CASD1: variants seen among roughly 807,000 people sequenced by gnomAD.
The protein encoded by CASD1 is N-acetylneuraminate (7)9-O-acetyltransferase.
A neutral mutation model predicts 100.0 loss-of-function variants in CASD1; 41 were observed. That is an observed-to-expected ratio of 0.41 (90% CI 0.32 to 0.53). The LOEUF (loss-of-function observed/expected upper bound fraction) is 0.53. Among genes scored for constraint, CASD1 ranks in the 20% least tolerant of loss-of-function variants. The pLI is 0.25. For missense variants in CASD1, 774 were observed against 948.7 expected (o/e 0.82, Z 2.42); for synonymous variants, 321 against 315.6 (o/e 1.02, Z -0.18).
Position 94,553,066 on chromosome 7 carries a change from T to C in CASD1, c.2034+639T>C, listed in dbSNP as rs989932660. On this transcript the variant is annotated intron_variant, in intron 16 of 17. Coordinates refer to ENST00000297273, the MANE Select transcript of CASD1 (RefSeq NM_022900.5). ...ATTCTTTTTAGCGTTGTACAACTTA[T>C]GCAATACTTTAATTATAATAACTCA... is the stretch of plus-strand genomic sequence containing the variant. 4 of 359,150 alleles carry C rather than the reference T, an allele frequency of 1.1e-5. 1 individual carries two copies. Among genetic ancestry groups the C allele is most frequent in the Non-Finnish European group, 2.2e-5 (4 of 185,546 alleles). 22.2% of individuals were successfully genotyped at this position (359,150 alleles called of 1,614,324 possible).
the CASD1 span, among the ~76,000 whole-genome samples, chr7:94,610,258 C>A: frequency 8.0e-4 from 122 of 152,258 alleles, 1 homozygote; most frequent in Admixed American, 6.9e-3. Context: ...TGAAACTACT[C>A]TGTATGATAC....
downstream of CASD1, among the ~76,000 whole-genome samples, chr7:94,559,586 C>G (rs909462203): frequency 1.3e-5 from 2 of 152,068 alleles, no homozygotes; most frequent in African/African-American, 4.8e-5. Flanking sequence ...AGTGCAATGG[C>G]GCAATCTCGG....
intron 3 of CASD1, among the ~76,000 whole-genome samples, chr7:94,524,508 G>A (rs562518121): frequency 1.3e-5 from 2 of 152,154 alleles, no homozygotes; most frequent in African/African-American, 4.8e-5. Flanking sequence ...AGATGTATTA[G>A]GCTGTGTACC....
At chr7:94,546,550 C>T (rs1206400179) in intron 12 of CASD1, among the ~76,000 whole-genome samples, 1 of 151,842 alleles carries the variant, frequency 6.6e-6, no homozygotes, top group Admixed American at 6.6e-5. Flanking sequence ...TTTGGACAGC[C>T]TCTGTAGTTT....
intron 13 of CASD1, among the ~76,000 whole-genome samples, chr7:94,548,223 C>A (rs1434875577): frequency 2.6e-5 from 4 of 151,678 alleles, no homozygotes; most frequent in Non-Finnish European, 4.4e-5. Context: ...TCAGTGTTGA[C>A]CCCTGGACAA....
chr7:94,612,310 A>G, the CASD1 span, among the ~76,000 whole-genome samples: 2 of 152,214 alleles, frequency 1.3e-5, no homozygotes, highest in African/African-American at 4.8e-5. Flanking sequence ...AACCTGAGGT[A>G]TAAAAACAAA....
At chr7:94,569,662 T>TA in the CASD1 span, among the ~76,000 whole-genome samples, 1 of 151,990 alleles carries the variant, frequency 6.6e-6, no homozygotes, top group Non-Finnish European at 1.5e-5. Context: ...CAGACTGGTC[T>TA]AAAAATCCGG....
chr7:94,628,037 T>C, the CASD1 span: 1 of 575,476 alleles, frequency 1.7e-6, no homozygotes, highest in Admixed American at 2.9e-5. Context: ...CAGAGAAGAA[T>C]GGCACATTTC....
At chr7:94,580,953 C>T in the CASD1 span, among the ~76,000 whole-genome samples, 2 of 152,164 alleles carry the variant, frequency 1.3e-5, no homozygotes, top group African/African-American at 4.8e-5. Context: ...TTCAATTAAC[C>T]ATAGTCCATG....
Position 94,524,556 on chromosome 7 carries a change from GT to G in CASD1, c.352-2604del, listed in dbSNP as rs541573134. On this transcript the variant is annotated intron_variant, in intron 3 of 17. Coordinates refer to ENST00000297273, the MANE Select transcript of CASD1 (RefSeq NM_022900.5). Reference sequence around the variant, plus strand: ...ATAACTGCTAGTGAGAGTGTAAATTGTTACAAATACTCCAGAAAATAATTTG... The same window carrying G: ...ATAACTGCTAGTGAGAGTGTAAATTGTACAAATACTCCAGAAAATAATTTG... Among the ~76,000 whole-genome samples the G allele has an allele frequency of 4.8e-4, 73 of 152,172 alleles. No individual in the cohort carries two copies. In the South Asian group the frequency reaches 9.7e-3, roughly 20 times the overall value.
At chr7:94,561,733 T>C (rs534368536), downstream of CASD1, among the ~76,000 whole-genome samples, 25 of 152,262 alleles carry the variant, frequency 1.6e-4, no homozygotes, top group African/African-American at 5.8e-4. Context: ...AGACAGTTTT[T>C]CTTAGAACCC....
chr7:94,614,805 A>C, the CASD1 span, among the ~76,000 whole-genome samples: 1 of 152,184 alleles, frequency 6.6e-6, no homozygotes, highest in Non-Finnish European at 1.5e-5. Context: ...TTTTAAAATC[A>C]CTGTACTCCA....
At chr7:94,559,932 A>G (rs975359671), downstream of CASD1, among the ~76,000 whole-genome samples, 1 of 152,244 alleles carries the variant, frequency 6.6e-6, no homozygotes, top group Non-Finnish European at 1.5e-5. Context: ...TCAATATTAT[A>G]CATGCCTATG....
At chr7:94,550,979 A>G (rs1005343197) in intron 14 of CASD1, among the ~76,000 whole-genome samples, 4 of 152,162 alleles carry the variant, frequency 2.6e-5, no homozygotes, top group African/African-American at 9.6e-5. Context: ...AAGGACTGAT[A>G]TAAAATGTGT....
the CASD1 span, among the ~76,000 whole-genome samples, chr7:94,593,726 C>T: frequency 6.6e-6 from 1 of 152,028 alleles, no homozygotes; most frequent in African/African-American, 2.4e-5. Flanking sequence ...CCAAACAGCT[C>T]CAACCTCCTA....
the CASD1 span, chr7:94,618,691 A>G: frequency 2.2e-6 from 3 of 1,347,284 alleles, no homozygotes; most frequent in Non-Finnish European, 3.2e-6. Flanking sequence ...TCCATCTATA[A>G]TAAGTTTGAT....
the CASD1 span, chr7:94,599,432 A>G: frequency 8.8e-6 from 4 of 454,714 alleles, no homozygotes; most frequent in African/African-American, 2.0e-5. Flanking sequence ...TGGAAATCAC[A>G]TAATATAAAT....
chr7:94,612,191 G>A, the CASD1 span, among the ~76,000 whole-genome samples: 2 of 152,044 alleles, frequency 1.3e-5, no homozygotes, highest in African/African-American at 4.8e-5. Context: ...CAATTAGTAA[G>A]ATTTTTAATT....
chr7:94,613,106 T>C, the CASD1 span, among the ~76,000 whole-genome samples: 3 of 152,206 alleles, frequency 2.0e-5, no homozygotes, highest in Non-Finnish European at 4.4e-5. Flanking sequence ...ATGAAAAGCA[T>C]TATACCAGTT....
Sources: gnomAD v4.1 joint callset for allele counts (sites outside exome capture counted in the v4.1 genomes callset) on GRCh38, gnomAD v4.1.1 for gene constraint, MANE v1.5 for transcripts, NCBI Gene and HGNC (gene_info 2026-07-23, HGNC 2026-07-21) for gene names.